CSNK1G1: variants seen among roughly 807,000 people sequenced by gnomAD.
CSNK1G1 encodes casein kinase I isoform gamma-1.
A neutral mutation model predicts 59.6 loss-of-function variants in CSNK1G1; 22 were observed. The observed-to-expected ratio is 0.37, with a 90% CI of 0.26 to 0.53. The LOEUF is 0.53. CSNK1G1 is among the 20% of genes least tolerant of loss of function. The pLI, the probability that CSNK1G1 is intolerant of heterozygous loss-of-function variation, is 0.89. For synonymous variants in CSNK1G1, 179 were observed against 177.1 expected (o/e 1.01, Z -0.08); for missense variants, 384 against 519.5 (o/e 0.74, Z 2.54).
At chr15:64,353,251 C>G (rs1898417056) in intron 1 of CSNK1G1, among the ~76,000 whole-genome samples, 1 of 152,074 alleles carries the variant, frequency 6.6e-6, no homozygotes, top group African/African-American at 2.4e-5. Context: ...TTGAAAATAA[C>G]TAACTATAAG....
At chr15:64,283,614 G>A (rs1894258549) in intron 2 of CSNK1G1, among the ~76,000 whole-genome samples, 1 of 144,690 alleles carries the variant, frequency 6.9e-6, no homozygotes, top group Non-Finnish European at 1.5e-5. Context: ...CTCCTGAGTA[G>A]CTGGGATTAC....
At chr15:64,196,513 A>G (rs1454754733) in intron 10 of CSNK1G1, among the ~76,000 whole-genome samples, 1 of 151,272 alleles carries the variant, frequency 6.6e-6, no homozygotes, top group Non-Finnish European at 1.5e-5. Flanking sequence ...GTGCAATGGC[A>G]CGATCTCGGC....
intron 2 of CSNK1G1, among the ~76,000 whole-genome samples, chr15:64,272,197 C>A (rs754245968): frequency 4.0e-5 from 6 of 151,892 alleles, no homozygotes; most frequent in Non-Finnish European, 7.4e-5. Flanking sequence ...TGCTTTTTAT[C>A]CAGCTTGCCA....
rs548307987 is a variant in CSNK1G1 at position 64,325,154 on chromosome 15, C to T, written c.-224-24431G>A. On this transcript the variant is annotated intron_variant, in intron 1 of 11. Transcript: ENST00000303052. ...GTGGACACTTTTTCCTATAATCATCCCCTACAGCTACACAGTAATAGAAGT... is the reference window on the plus strand; with the variant it reads ...GTGGACACTTTTTCCTATAATCATCTCCTACAGCTACACAGTAATAGAAGT... Among the ~76,000 whole-genome samples the T allele has an allele frequency of 1.1e-3, 173 of 152,166 alleles. 1 individual carries two copies. Among genetic ancestry groups the T allele is most frequent in the South Asian group, 1.9e-3 (9 of 4,810 alleles).
At chr15:64,300,937 C>T (rs1250846334) in intron 1 of CSNK1G1, among the ~76,000 whole-genome samples, 2 of 152,068 alleles carry the variant, frequency 1.3e-5, no homozygotes, top group African/African-American at 2.4e-5. Context: ...ATAGAAGCTA[C>T]AGAAACACAC....
At chr15:64,281,945 C>T (rs531446943) in intron 2 of CSNK1G1, among the ~76,000 whole-genome samples, 2 of 147,994 alleles carry the variant, frequency 1.4e-5, no homozygotes, top group South Asian at 4.3e-4. Flanking sequence ...TTTTTAAACA[C>T]AGTGTCTATT....
chr15:64,347,394 A>T (rs1158180973), intron 1 of CSNK1G1, among the ~76,000 whole-genome samples: 1 of 152,158 alleles, frequency 6.6e-6, no homozygotes, highest in Non-Finnish European at 1.5e-5. Flanking sequence ...AGAAGCAACA[A>T]AGATGTCCTT....
intron 4 of CSNK1G1, among the ~76,000 whole-genome samples, chr15:64,236,770 T>C (rs959719321): frequency 6.6e-6 from 1 of 152,194 alleles, no homozygotes; most frequent in Non-Finnish European, 1.5e-5. Context: ...CTATTGGATC[T>C]AGCAATCCCA....
intron 1 of CSNK1G1, among the ~76,000 whole-genome samples, chr15:64,320,704 G>GA (rs970003903): frequency 1.4e-5 from 2 of 144,740 alleles, no homozygotes; most frequent in African/African-American, 2.5e-5. Context: ...AAAGAAAAAA[G>GA]AAAAAAAAGA....
At chr15:64,267,256 C>CAAAAAAAAAAAAAAAA (rs199581105) in intron 2 of CSNK1G1, among the ~76,000 whole-genome samples, 16 of 61,634 alleles carry the variant, frequency 2.6e-4, no homozygotes, top group South Asian at 6.0e-4. Context: ...GACCTTATCT[C>CAAAAAAAAAAAAAAAA]AAAAAAAAAA....
At chr15:64,218,852 GTT>G (rs11364699) in intron 4 of CSNK1G1, among the ~76,000 whole-genome samples, 6,347 of 114,090 alleles carry the variant, frequency 0.056, 137 homozygotes, top group Admixed American at 0.065. Flanking sequence ...AATTTGAAGT[GTT>G]TTTTTTTTTT....
At chr15:64,324,658 T>A (rs547954167) in intron 1 of CSNK1G1, among the ~76,000 whole-genome samples, 2 of 152,340 alleles carry the variant, frequency 1.3e-5, no homozygotes, top group African/African-American at 4.8e-5. Flanking sequence ...TGGCCTATGG[T>A]GAGTCTTCAC....
chr15:64,297,063 C>T (rs1895065600), intron 2 of CSNK1G1, among the ~76,000 whole-genome samples: 2 of 149,760 alleles, frequency 1.3e-5, no homozygotes, highest in South Asian at 4.2e-4. Flanking sequence ...TATTCATCAG[C>T]TTTTTATCCT....
intron 1 of CSNK1G1, among the ~76,000 whole-genome samples, chr15:64,332,446 T>G (rs1184514228): frequency 7.6e-6 from 1 of 131,162 alleles, no homozygotes; most frequent in Non-Finnish European, 1.6e-5. Context: ...ACACCGCATA[T>G]TCTCACTCAT....
At chr15:64,302,134 T>C (rs576168994) in intron 1 of CSNK1G1, among the ~76,000 whole-genome samples, 1 of 152,220 alleles carries the variant, frequency 6.6e-6, no homozygotes, top group Middle Eastern at 3.4e-3. Context: ...GGAATTTCGC[T>C]CGTTGCCTAG....
rs182069713 is a variant in CSNK1G1, at chr15:64,212,005, T to C, written c.679+1885A>G. 5.8e-4 allele frequency among the ~76,000 whole-genome samples: 88 copies of C among 152,342 alleles called. 1 individual carries two copies. The highest frequency in any genetic ancestry group is 1.6e-3 in the Admixed American group (24 of 15,304). On this transcript the variant is annotated intron_variant, in intron 6 of 11. Transcript: ENST00000303052. ...TTTTGTTTCCTTGTAAAATGGAAAA[T>C]TACTTGTCATTGTGAAGGAAGAAGG...
chr15:64,343,011 T>C, intron 1 of CSNK1G1, among the ~76,000 whole-genome samples: 1 of 152,070 alleles, frequency 6.6e-6, no homozygotes. Flanking sequence ...CTATTCTATC[T>C]TGACCAGCCT....
intron 2 of CSNK1G1, chr15:64,265,882 G>C (rs1473339126): frequency 4.4e-6 from 2 of 454,106 alleles, no homozygotes; most frequent in South Asian, 1.6e-5. Context: ...CCAGGAGTTT[G>C]AGAGCAGCTA....
chr15:64,219,289 A>G (rs1177434641), intron 4 of CSNK1G1, among the ~76,000 whole-genome samples: 1 of 152,202 alleles, frequency 6.6e-6, no homozygotes, highest in Non-Finnish European at 1.5e-5. Flanking sequence ...CTAGAGATTT[A>G]CTGCTTTTAT....
Sources: gnomAD v4.1 joint callset for allele counts (sites outside exome capture counted in the v4.1 genomes callset) on GRCh38, gnomAD v4.1.1 for gene constraint, MANE v1.5 for transcripts, NCBI Gene and HGNC (gene_info 2026-07-23, HGNC 2026-07-21) for gene names.